C1QTNF3: variants seen among roughly 807,000 people sequenced by gnomAD.
C1QTNF3 encodes the protein C1q and TNF related 3.
C1QTNF3 carries 26 observed loss-of-function variants against 32.6 expected under a neutral mutation model. The ratio of observed to expected loss-of-function variants is 0.80; its 90% CI spans 0.58 to 1.11. The LOEUF is 1.11. Ranked by LOEUF, C1QTNF3 falls within the 50% of genes least tolerant of loss-of-function variation. The probability of loss-of-function intolerance (pLI) is 0.00; values close to 1 mark genes in which losing one functional copy is unlikely to be tolerated. For missense variants in C1QTNF3, 362 were observed against 398.2 expected, an observed-to-expected ratio of 0.91 and a Z score of 0.77; for synonymous variants, 155 against 146.0, an observed-to-expected ratio of 1.06 and a Z score of -0.44.
chr5:34,113,599 TG>T, the C1QTNF3 span, among the ~76,000 whole-genome samples: 1 of 152,102 alleles, frequency 6.6e-6, no homozygotes, highest in African/African-American at 2.4e-5. Flanking sequence ...ATTAATACAT[TG>T]AAAAAAACTA....
At chr5:34,135,137 G>A in the C1QTNF3 span, among the ~76,000 whole-genome samples, 1 of 152,192 alleles carries the variant, frequency 6.6e-6, no homozygotes, top group Admixed American at 6.5e-5. Flanking sequence ...AAGGGCTATT[G>A]AATTTTGTTG....
the C1QTNF3 span, among the ~76,000 whole-genome samples, chr5:34,201,108 C>G: frequency 8.5e-4 from 129 of 152,110 alleles, no homozygotes; most frequent in African/African-American, 2.9e-3. Context: ...TCTCAACTAT[C>G]TTCCACACCT....
the C1QTNF3 span, among the ~76,000 whole-genome samples, chr5:34,103,410 C>T: frequency 6.6e-6 from 1 of 151,494 alleles, no homozygotes; most frequent in African/African-American, 2.4e-5. Flanking sequence ...CTAGTGTGTC[C>T]TCATGTGTGT....
At chr5:34,107,500 T>C in the C1QTNF3 span, among the ~76,000 whole-genome samples, 1 of 151,972 alleles carries the variant, frequency 6.6e-6, no homozygotes, top group Admixed American at 6.6e-5. Context: ...ATTTTTATAA[T>C]TCTAAATCTA....
chr5:34,115,960 T>A, the C1QTNF3 span, among the ~76,000 whole-genome samples: 316 of 152,282 alleles, frequency 2.1e-3, 2 homozygotes, highest in African/African-American at 7.2e-3. Flanking sequence ...TAAAGTAATT[T>A]TTAGGTTACT....
the C1QTNF3 span, among the ~76,000 whole-genome samples, chr5:34,075,179 T>G: frequency 0.02 from 3,105 of 151,800 alleles, 245 homozygotes; most frequent in African/African-American, 0.073. Context: ...CTCCATATTT[T>G]GTTAGATATG....
At chr5:34,137,060 T>G in the C1QTNF3 span, among the ~76,000 whole-genome samples, 1 of 151,228 alleles carries the variant, frequency 6.6e-6, no homozygotes, top group Non-Finnish European at 1.5e-5. Context: ...GACGAGTTGA[T>G]GGGTGCAGCA....
the C1QTNF3 span, among the ~76,000 whole-genome samples, chr5:34,111,914 G>A: frequency 1.3e-5 from 2 of 152,304 alleles, no homozygotes; most frequent in East Asian, 3.9e-4. Flanking sequence ...TGAGCACTTA[G>A]TCACATGGCA....
upstream of C1QTNF3, chr5:34,043,736 C>T (rs1754932084): frequency 6.6e-6 from 1 of 152,596 alleles, no homozygotes; most frequent in Admixed American, 6.5e-5. Context: ...CTACAAAACA[C>T]TGAGCAGGAT....
chr5:34,022,387 A>G (rs1402894679), intron 5 of C1QTNF3, among the ~76,000 whole-genome samples: 2 of 152,196 alleles, frequency 1.3e-5, no homozygotes, highest in African/African-American at 4.8e-5. Flanking sequence ...TGCCACAGAG[A>G]AAAGCAGATA....
the C1QTNF3 span, among the ~76,000 whole-genome samples, chr5:34,154,405 C>G: frequency 6.6e-6 from 1 of 152,056 alleles, no homozygotes; most frequent in Admixed American, 6.6e-5. Context: ...CCATTTATTT[C>G]TTGCTGTTAA....
the C1QTNF3 span, among the ~76,000 whole-genome samples, chr5:34,160,623 A>G: frequency 6.6e-6 from 1 of 152,062 alleles, no homozygotes; most frequent in African/African-American, 2.4e-5. Context: ...TGCAATCTCA[A>G]CTCCACCACT....
At chr5:34,049,552 T>C in the C1QTNF3 span, among the ~76,000 whole-genome samples, 7 of 152,234 alleles carry the variant, frequency 4.6e-5, no homozygotes, top group African/African-American at 1.4e-4. Context: ...CCTAGTCATT[T>C]GACAAGGCAA....
At chr5:34,048,289 T>TGA in the C1QTNF3 span, among the ~76,000 whole-genome samples, 1,228 of 140,972 alleles carry the variant, frequency 8.7e-3, 11 homozygotes, top group Middle Eastern at 0.018. Flanking sequence ...TGTGTGTGCA[T>TGA]GAGAGAGAGA....
chr5:34,142,213 C>T, the C1QTNF3 span, among the ~76,000 whole-genome samples: 1 of 152,170 alleles, frequency 6.6e-6, no homozygotes, highest in Non-Finnish European at 1.5e-5. Flanking sequence ...GGGCAGATCA[C>T]CTGAGGTCAG....
At chr5:34,131,735 T>C in the C1QTNF3 span, among the ~76,000 whole-genome samples, 46 of 152,342 alleles carry the variant, frequency 3.0e-4, no homozygotes, top group Non-Finnish European at 8.8e-5. Context: ...CCGTAGTTGA[T>C]AATAATATAT....
the C1QTNF3 span, among the ~76,000 whole-genome samples, chr5:34,203,042 T>G: frequency 3.3e-5 from 5 of 152,316 alleles, no homozygotes; most frequent in East Asian, 9.7e-4. Flanking sequence ...ACTGAGGGAA[T>G]TCGTCACCAC....
the C1QTNF3 span, among the ~76,000 whole-genome samples, chr5:34,209,704 T>C: frequency 3.9e-5 from 6 of 152,248 alleles, no homozygotes; most frequent in East Asian, 9.6e-4. Flanking sequence ...AAACTTAATT[T>C]AGTTTGAGTC....
the C1QTNF3 span, among the ~76,000 whole-genome samples, chr5:34,147,813 C>T: frequency 6.6e-6 from 1 of 152,270 alleles, no homozygotes; most frequent in Non-Finnish European, 1.5e-5. Flanking sequence ...CATATCTAAA[C>T]TAAAAGTTGA....
Sources: allele counts gnomAD v4.1 joint callset (sites outside exome capture counted in the v4.1 genomes callset), GRCh38; gene constraint gnomAD v4.1.1; transcripts MANE v1.5; gene names NCBI Gene and HGNC (gene_info 2026-07-23, HGNC 2026-07-21).